The following PCNX1 variants were observed in gnomAD, a reference collection of about 807,000 sequenced individuals.
PCNX1 encodes the protein pecanex 1, also known as pecanex-like protein 1.
Under a neutral mutation model 242.2 loss-of-function variants are expected in PCNX1, and 78 were observed. That is an observed-to-expected ratio of 0.32 (90% CI 0.27 to 0.39). The LOEUF (loss-of-function observed/expected upper bound fraction) is 0.39, where lower values mean the gene tolerates loss of function less well. Ranked by LOEUF, PCNX1 falls within the 10% of genes least tolerant of loss-of-function variation. PCNX1 has a pLI of 1.00. For synonymous variants in PCNX1, 1,024 were observed against 1,032.9 expected, an observed-to-expected ratio of 0.99 and a Z score of 0.17; for missense variants, 2,581 against 2,856.5, an observed-to-expected ratio of 0.90 and a Z score of 2.20.
At chr14:71,050,625 C>G in intron 22 of PCNX1, 27 bp from the exon 23 acceptor site, 1 of 1,431,736 alleles carries the variant, frequency 7.0e-7, no homozygotes, top group Non-Finnish European at 9.3e-7. Context: ...TTTTTTTTTA[C>G]TGACAGCCAT....
chr14:71,076,171 T>G lies in PCNX1; in HGVS notation c.5107-18T>G. 1 of 1,409,382 alleles carries G rather than the reference T, an allele frequency of 7.1e-7. No homozygotes were observed. Among genetic ancestry groups the G allele is most frequent in the Non-Finnish European group, 1.0e-6 (1 of 1,003,124 alleles). 87.3% of individuals were successfully genotyped at this position (1,409,382 alleles called of 1,614,324 possible). A position where few individuals can be genotyped will look rare whatever the true frequency, so the allele number is the denominator to read the frequency against. On this transcript the variant is annotated intron_variant, in intron 27 of 35. Coordinates refer to ENST00000304743, the MANE Select transcript of PCNX1 (RefSeq NM_014982.3). ...TAATTTAATCTGAATTCTTTTTTTT[T>G]TGTCTTGTTCATGTTAGGGTATCAT...
At chr14:70,936,673 T>C (rs1240245080) in intron 1 of PCNX1, among the ~76,000 whole-genome samples, 4 of 152,198 alleles carry the variant, frequency 2.6e-5, no homozygotes, top group Non-Finnish European at 5.9e-5. Context: ...GGTCAAATGG[T>C]ATCTCTAGTT....
chr14:71,042,602 GT>G (rs200599809), intron 19 of PCNX1, among the ~76,000 whole-genome samples: 194 of 148,278 alleles, frequency 1.3e-3, no homozygotes, highest in Admixed American at 3.0e-3. Context: ...ATAATTGGCT[GT>G]TTTTAAAAAA....
At chr14:70,965,783 C>T (rs920699893) in intron 3 of PCNX1, among the ~76,000 whole-genome samples, 2 of 151,774 alleles carry the variant, frequency 1.3e-5, no homozygotes, top group African/African-American at 4.8e-5. Context: ...GGCATGGCTT[C>T]TTGGGGCAGG....
In PCNX1 at chr14:71,114,163, A is replaced by AATT. The variant is rs2062808963; in HGVS notation, c.*4230_*4232dup. 2.0e-5 allele frequency: 3 copies of AATT among 152,326 alleles called. No individual in the cohort carries two copies. Among genetic ancestry groups the AATT allele is most frequent in the East Asian group, 3.9e-4 (2 of 5,188 alleles). 9.4% of individuals were successfully genotyped at this position (152,326 alleles called of 1,614,324 possible). The stretch of plus-strand genomic sequence containing the variant: ...TTTCATTGGTGTTGAGGAAGAAAAA[A>AATT]ATTAGATACTACCATGCATTGGGAC... On this transcript the variant is annotated 3_prime_UTR_variant, in exon 36 of 36. Coordinates refer to ENST00000304743, the MANE Select transcript of PCNX1 (RefSeq NM_014982.3).
chr14:70,935,485 A>G (rs2056965651), intron 1 of PCNX1, among the ~76,000 whole-genome samples: 1 of 152,172 alleles, frequency 6.6e-6, no homozygotes, highest in Non-Finnish European at 1.5e-5. Flanking sequence ...TAGTAGGGGG[A>G]GAGAGTTTAT....
chr14:70,932,645 T>G (rs1336352807), intron 1 of PCNX1, among the ~76,000 whole-genome samples: 1 of 152,034 alleles, frequency 6.6e-6, no homozygotes, highest in African/African-American at 2.4e-5. Context: ...GGAATTTCGC[T>G]CTTGTTGCCC....
chr14:71,034,623 G>T (rs1190398907), intron 18 of PCNX1, among the ~76,000 whole-genome samples: 1 of 152,078 alleles, frequency 6.6e-6, no homozygotes, highest in African/African-American at 2.4e-5. Flanking sequence ...CTGTAAAATT[G>T]TGTCTATTTA....
intron 19 of PCNX1, among the ~76,000 whole-genome samples, chr14:71,038,096 C>T (rs1380378307): frequency 3.8e-4 from 20 of 52,658 alleles, no homozygotes; most frequent in African/African-American, 4.7e-4. Context: ...AAGACTTAAA[C>T]GTTAGACCTA....
chr14:71,111,136 T>C lies in PCNX1; in HGVS notation c.*1201T>C, dbSNP rs2141926240. ...TATAGTGTGTAGCTGTAAATTGAAATATTTATAACTGTGAAATTGACTTAA... is the reference window on the plus strand; with the variant it reads ...TATAGTGTGTAGCTGTAAATTGAAACATTTATAACTGTGAAATTGACTTAA... On this transcript the variant is annotated 3_prime_UTR_variant, in exon 36 of 36. Coordinates refer to ENST00000304743, the MANE Select transcript of PCNX1 (RefSeq NM_014982.3). The C allele has an allele frequency of 6.5e-6, 1 of 152,782 alleles. No individual in the cohort carries two copies. The highest frequency in any genetic ancestry group is 3.4e-3 in the Middle Eastern group (1 of 294). The allele number at this position is 152,782 out of a possible 1,614,324, so 9.5% of individuals were successfully genotyped here. A position where few individuals can be genotyped will look rare whatever the true frequency, so the allele number is the denominator to read the frequency against.
At position 71,114,107 on chromosome 14, in the gene PCNX1, G is replaced by A. The variant is rs1287840625; in HGVS notation, c.*4172G>A. ...ACATGGAACTTGCTAATGGAGGTTG[G>A]ACATTCTGTTTCAGTCTTACATGGA... On this transcript the variant is annotated 3_prime_UTR_variant, in exon 36 of 36. Transcript: ENST00000304743. 2.0e-5 allele frequency: 3 copies of A among 152,172 alleles called. No homozygotes were observed. The highest frequency in any genetic ancestry group is 7.2e-5 in the African/African-American group (3 of 41,436). 9.4% of individuals were successfully genotyped at this position (152,172 alleles called of 1,614,324 possible). A position where few individuals can be genotyped will look rare whatever the true frequency, so the allele number is the denominator to read the frequency against.
At chr14:71,066,067 T>G (rs1297723826) in intron 26 of PCNX1, among the ~76,000 whole-genome samples, 1 of 152,230 alleles carries the variant, frequency 6.6e-6, no homozygotes, top group Non-Finnish European at 1.5e-5. Context: ...GCTTTGTTCT[T>G]TTTGCTTAGG....
intron 13 of PCNX1, among the ~76,000 whole-genome samples, chr14:71,025,052 G>C (rs1169216745): frequency 6.6e-6 from 1 of 151,960 alleles, no homozygotes; most frequent in Non-Finnish European, 1.5e-5. Flanking sequence ...GATGTTTCTT[G>C]CCTGATTCAG....
rs1482311975 is a variant in PCNX1, at chr14:71,112,054, A to G, written c.*2119A>G. 3.3e-5 allele frequency: 5 copies of G among 152,598 alleles called. No individual in the cohort carries two copies. The highest frequency in any genetic ancestry group is 2.1e-4 in the South Asian group (1 of 4,830). The allele number at this position is 152,598 out of a possible 1,614,324, so 9.5% of individuals were successfully genotyped here. The stretch of plus-strand genomic sequence containing the variant: ...TTTTTAAAATCTTCTGAAAGGAACT[A>G]TGTTCCCTGCTGCTTCTTCCCTTTC... On this transcript the variant is annotated 3_prime_UTR_variant, in exon 36 of 36. Transcript: ENST00000304743.
At position 71,112,382 on chromosome 14, in the gene PCNX1, A is replaced by G. The variant is rs1396047709; in HGVS notation, c.*2447A>G. ...TCTCAAAACAAGTTGAATTTTGTTAACATATATAATTCTTTAGTGAATTTA... is the reference window on the plus strand; with the variant it reads ...TCTCAAAACAAGTTGAATTTTGTTAGCATATATAATTCTTTAGTGAATTTA... On this transcript the variant is annotated 3_prime_UTR_variant, in exon 36 of 36. Transcript: ENST00000304743. 6.6e-6 allele frequency: 1 copy of G among 152,110 alleles called. No homozygotes were observed. Among genetic ancestry groups the G allele is most frequent in the African/African-American group, 2.4e-5 (1 of 41,458 alleles). 9.4% of individuals were successfully genotyped at this position (152,110 alleles called of 1,614,324 possible). A position where few individuals can be genotyped will look rare whatever the true frequency, so the allele number is the denominator to read the frequency against.
chr14:71,064,331 T>G (rs2061395823), intron 26 of PCNX1, among the ~76,000 whole-genome samples: 1 of 152,196 alleles, frequency 6.6e-6, no homozygotes, highest in South Asian at 2.1e-4. Context: ...GCATATTGGG[T>G]GGAAATAGTC....
At position 71,017,490 on chromosome 14, in the gene PCNX1, G is replaced by A. The variant is rs148767057; in HGVS notation, c.2997-1519G>A. ...TAAAGAACTTGTAGCCTTACCTTGT[G>A]CCATATTATGAAAATGTATCATAGG... On this transcript the variant is annotated intron_variant, in intron 11 of 35. Coordinates refer to ENST00000304743, the MANE Select transcript of PCNX1 (RefSeq NM_014982.3). Among the ~76,000 whole-genome samples the A allele has an allele frequency of 1.9e-4, 29 of 152,148 alleles. No homozygotes were observed. The South Asian group carries it at 4.1e-3, about 22-fold the overall frequency.
In PCNX1 at chr14:71,086,616, C is replaced by T. The variant is rs866668172; in HGVS notation, c.5338-1714C>T. ...CCAGTCCCAAGGTTTTTCGCTGTTC[C>T]TTTGTATTCCATTCGGATGATTCTT... On this transcript the variant is annotated intron_variant, in intron 28 of 35. Transcript: ENST00000304743. Among the ~76,000 whole-genome samples the T allele has an allele frequency of 8.5e-5, 13 of 152,290 alleles. No individual in the cohort carries two copies. In the Middle Eastern group the frequency reaches 0.01, roughly 120 times the overall value.
chr14:70,925,774 A>C, intron 1 of PCNX1, among the ~76,000 whole-genome samples: 1 of 152,108 alleles, frequency 6.6e-6, no homozygotes, highest in Non-Finnish European at 1.5e-5. Context: ...GCTTTGTGAG[A>C]TGAAGATACT....
Sources: allele counts gnomAD v4.1 joint callset (sites outside exome capture counted in the v4.1 genomes callset), GRCh38; gene constraint gnomAD v4.1.1; transcripts MANE v1.5; gene names NCBI Gene and HGNC (gene_info 2026-07-23, HGNC 2026-07-21).